The following TTC39B variants were observed in gnomAD, a reference collection of about 807,000 sequenced individuals.
TTC39B encodes tetratricopeptide repeat protein 39B.
A neutral mutation model predicts 96.6 loss-of-function variants in TTC39B; 92 were observed. The ratio of observed to expected loss-of-function variants is 0.95; its 90% CI spans 0.80 to 1.13. The LOEUF (loss-of-function observed/expected upper bound fraction) is 1.13. TTC39B is among the 50% of genes most tolerant of loss of function. The probability of loss-of-function intolerance (pLI) is 0.00; values close to 1 mark genes in which losing one functional copy is unlikely to be tolerated. For synonymous variants in TTC39B, 367 were observed against 299.4 expected, an observed-to-expected ratio of 1.23 and a Z score of -2.33; for missense variants, 955 against 809.3, an observed-to-expected ratio of 1.18 and a Z score of -2.18.
At chr9:15,221,428 T>C (rs1455087816) in intron 3 of TTC39B, among the ~76,000 whole-genome samples, 2 of 152,224 alleles carry the variant, frequency 1.3e-5, no homozygotes, top group Non-Finnish European at 2.9e-5. Flanking sequence ...AATTGGAAGC[T>C]CCTTTATGTT....
intron 3 of TTC39B, among the ~76,000 whole-genome samples, chr9:15,217,150 G>C (rs116585507): frequency 1.3e-5 from 2 of 152,208 alleles, no homozygotes; most frequent in Non-Finnish European, 2.9e-5. Flanking sequence ...AGAAACCATA[G>C]TGGCAGAGAG....
At chr9:15,172,264 G>A (rs183780996) in intron 19 of TTC39B, among the ~76,000 whole-genome samples, 155 bp from the exon 20 acceptor site, 3 of 152,082 alleles carry the variant, frequency 2.0e-5, no homozygotes, top group East Asian at 1.9e-4. Flanking sequence ...GGTTCTGTTG[G>A]GGGGTTTTGG....
At chr9:15,177,336 T>TA (rs904618377) in intron 18 of TTC39B, among the ~76,000 whole-genome samples, 7 of 148,790 alleles carry the variant, frequency 4.7e-5, no homozygotes, top group East Asian at 3.9e-4. Context: ...TCCCATCTCT[T>TA]AAAAAAAAAG....
At chr9:15,199,734 CAA>C (rs35361396) in intron 8 of TTC39B, 125 bp downstream of exon 8, 1,093 of 70,080 alleles carry the variant, frequency 0.016, no homozygotes, top group South Asian at 0.023. Context: ...GACTCCGTCT[CAA>C]AAAAAAAAAA....
At chr9:15,228,785 T>C (rs778732754) in intron 2 of TTC39B, among the ~76,000 whole-genome samples, 1 of 152,212 alleles carries the variant, frequency 6.6e-6, no homozygotes, top group Non-Finnish European at 1.5e-5. Context: ...GTGCCTAAAT[T>C]AATCTGTTAA....
At chr9:15,207,137 G>GC (rs1819910259) in intron 6 of TTC39B, among the ~76,000 whole-genome samples, 1 of 152,160 alleles carries the variant, frequency 6.6e-6, no homozygotes, top group South Asian at 2.1e-4. Flanking sequence ...GCAGAACTAT[G>GC]AGTCAATTAA....
At chr9:15,217,678 C>T (rs68152174) in intron 3 of TTC39B, among the ~76,000 whole-genome samples, 26,215 of 152,086 alleles carry the variant, frequency 0.17, 2,394 homozygotes, top group Middle Eastern at 0.22. Flanking sequence ...TTCTGAAATG[C>T]TCTCCAAGAA....
intron 2 of TTC39B, among the ~76,000 whole-genome samples, chr9:15,253,207 G>T (rs1314256077): frequency 6.6e-6 from 1 of 152,200 alleles, no homozygotes; most frequent in African/African-American, 2.4e-5. Context: ...AGATATTAGG[G>T]ATCCTGAACA....
At chr9:15,285,945 T>G (rs1378292591) in intron 1 of TTC39B, among the ~76,000 whole-genome samples, 1 of 152,166 alleles carries the variant, frequency 6.6e-6, no homozygotes, top group Non-Finnish European at 1.5e-5. Flanking sequence ...ATAATCTGCT[T>G]TCTCACCCTC....
chr9:15,173,250 G>A (rs1817755535), intron 19 of TTC39B, among the ~76,000 whole-genome samples: 1 of 151,992 alleles, frequency 6.6e-6, no homozygotes. Context: ...TGAAATATTG[G>A]TCATACTCCC....
intron 18 of TTC39B, among the ~76,000 whole-genome samples, chr9:15,175,938 C>T (rs1277257346): frequency 6.6e-6 from 1 of 152,156 alleles, no homozygotes; most frequent in Admixed American, 6.5e-5. Context: ...CACTCACTGG[C>T]AAAGGAGGAA....
chr9:15,267,781 G>C, intron 2 of TTC39B, 133 bp downstream of exon 2: 1 of 692,186 alleles, frequency 1.4e-6, no homozygotes, highest in South Asian at 1.9e-5. Flanking sequence ...TTTAATTATA[G>C]AAAAGTGACT....
chr9:15,287,105 T>C (rs527952972), intron 1 of TTC39B, among the ~76,000 whole-genome samples: 1 of 152,346 alleles, frequency 6.6e-6, no homozygotes, highest in African/African-American at 2.4e-5. Context: ...ATATTGGGGG[T>C]CTGCTTGATT....
chr9:15,230,456 C>A (rs920804366), intron 2 of TTC39B, among the ~76,000 whole-genome samples: 1 of 152,190 alleles, frequency 6.6e-6, no homozygotes, highest in African/African-American at 2.4e-5. Flanking sequence ...CTATTCTGGA[C>A]ATTTCATATC....
intron 2 of TTC39B, among the ~76,000 whole-genome samples, chr9:15,247,478 C>A (rs1792739036): frequency 1.3e-5 from 2 of 152,158 alleles, no homozygotes; most frequent in African/African-American, 4.8e-5. Flanking sequence ...TTACAGGAGA[C>A]AAGTCCTGTG....
chr9:15,172,562 T>C lies in TTC39B; in HGVS notation c.1959-453A>G, dbSNP rs1588830753. Among the ~76,000 whole-genome samples the C allele has an allele frequency of 3.3e-5, 5 of 152,278 alleles. No individual in the cohort carries two copies. In the South Asian group the frequency reaches 1.0e-3, roughly 32 times the overall value. ...CAACAAAGGCAGCAGAATTACTTAATGACGTCAAAATTACTTATTCCAATT... is the reference window on the plus strand; with the variant it reads ...CAACAAAGGCAGCAGAATTACTTAACGACGTCAAAATTACTTATTCCAATT... On this transcript the variant is annotated intron_variant, in intron 19 of 19. Coordinates refer to ENST00000512701, the Ensembl canonical transcript of TTC39B.
At chr9:15,248,560 C>T (rs1387223954) in intron 2 of TTC39B, among the ~76,000 whole-genome samples, 1 of 152,068 alleles carries the variant, frequency 6.6e-6, no homozygotes, top group African/African-American at 2.4e-5. Context: ...AGCATCATAT[C>T]CCCAGAGCCT....
At chr9:15,271,526 A>G (rs371008160) in intron 1 of TTC39B, among the ~76,000 whole-genome samples, 1 of 152,090 alleles carries the variant, frequency 6.6e-6, no homozygotes, top group African/African-American at 2.4e-5. Context: ...CGCAACCTAG[A>G]TCACTTGCAT....
At chr9:15,307,183 T>G (rs1384015517) in exon 1 of TTC39B, 7 of 1,583,826 alleles carry the variant, frequency 4.4e-6, no homozygotes, top group Non-Finnish European at 6.0e-6. Flanking sequence ...AGCCGACTCC[T>G]GCTCTCGGCT....
Sources: gnomAD v4.1 joint callset for allele counts (sites outside exome capture counted in the v4.1 genomes callset) on GRCh38, gnomAD v4.1.1 for gene constraint, MANE v1.5 for transcripts, NCBI Gene and HGNC (gene_info 2026-07-23, HGNC 2026-07-21) for gene names.